The following FYN variants were observed in gnomAD, a reference collection of about 807,000 sequenced individuals.
The protein encoded by FYN is tyrosine-protein kinase Fyn.
A neutral mutation model predicts 70.2 loss-of-function variants in FYN; 10 were observed. The ratio of observed to expected loss-of-function variants is 0.14; its 90% confidence interval spans 0.09 to 0.24. The LOEUF (loss-of-function observed/expected upper bound fraction) is 0.24. FYN is among the 10% of genes least tolerant of loss of function. The pLI is 1.00. For synonymous variants in FYN, 236 were observed against 248.6 expected (o/e 0.95, Z 0.48); for missense variants, 319 against 673.1 (o/e 0.47, Z 5.82).
intron 3 of FYN, among the ~76,000 whole-genome samples, chr6:111,732,679 G>A (rs1444602968): frequency 6.6e-6 from 1 of 152,188 alleles, no homozygotes; most frequent in African/African-American, 2.4e-5. Context: ...TCAACTCCTT[G>A]TGACTGGGTA....
chr6:111,707,337 T>C lies in FYN; in HGVS notation c.443+585A>G, dbSNP rs550516073. The stretch of plus-strand genomic sequence containing the variant: ...GAACACCTTCCTAAACTGCTACCAG[T>C]TGAATAGTTGGGCCAAATAACTGCT... On this transcript the variant is annotated intron_variant, in intron 6 of 13. Transcript: ENST00000354650. 2.5e-4 allele frequency among the ~76,000 whole-genome samples: 38 copies of C among 152,304 alleles called. No individual in the cohort carries two copies. The East Asian group carries it at 6.6e-3, about 26-fold the overall frequency.
Position 111,781,304 on chromosome 6 carries a change from A to G in FYN, c.-81-669T>C, listed in dbSNP as rs113314764. ...AAACCTTGGCCCAGTCCAGCCCCGC[A>G]AGAATTTCACAGTGGTGCTGGGAAC... On this transcript the variant is annotated intron_variant, in intron 2 of 13. Transcript: ENST00000354650. 2.6e-3 allele frequency among the ~76,000 whole-genome samples: 397 copies of G among 152,254 alleles called. 4 individuals carry two copies. Among genetic ancestry groups the G allele is most frequent in the African/African-American group, 8.9e-3 (369 of 41,562 alleles).
intron 3 of FYN, among the ~76,000 whole-genome samples, chr6:111,741,840 T>A (rs1002850580): frequency 1.3e-5 from 2 of 152,216 alleles, no homozygotes; most frequent in Admixed American, 1.3e-4. Flanking sequence ...CTGATGCGGT[T>A]GGTCTGAAGC....
chr6:111,842,456 ACTCT>A (rs1773390655), intron 2 of FYN, among the ~76,000 whole-genome samples: 1 of 150,760 alleles, frequency 6.6e-6, no homozygotes. Context: ...CCTCTTCTTC[ACTCT>A]CTCCCTCACC....
At chr6:111,718,084 C>T (rs1800753782) in intron 4 of FYN, among the ~76,000 whole-genome samples, 1 of 152,174 alleles carries the variant, frequency 6.6e-6, no homozygotes, top group Admixed American at 6.5e-5. Context: ...TCTTTAAAAA[C>T]AATTTAAAAA....
chr6:111,696,446 A>G lies in FYN; in HGVS notation c.873T>C (p.Asn291=). 6.2e-7 allele frequency: 1 copy of G among 1,602,186 alleles called. No individual in the cohort carries two copies. Among genetic ancestry groups the G allele is most frequent in the Non-Finnish European group, 8.5e-7 (1 of 1,173,220 alleles). The stretch of plus-strand genomic sequence containing the variant: ...TCTTTATGGCTACTTTTGTGTTTCC[A>G]TTCCAGGTACCTACAAACATCCCAG... ...QFGEVWMGTW[N]GNTKVAIKTL... Residue 291 remains asparagine, a synonymous_variant, in exon 10 of 14, where the codon AAT becomes AAC. Coordinates refer to ENST00000354650, the MANE Select transcript of FYN (RefSeq NM_002037.5).
intron 2 of FYN, among the ~76,000 whole-genome samples, chr6:111,802,250 C>G (rs997987214): frequency 4.6e-5 from 7 of 151,814 alleles, no homozygotes; most frequent in Non-Finnish European, 1.5e-5. Flanking sequence ...CCACTTCCCC[C>G]TCTCCTCTTC....
chr6:111,760,633 A>G (rs752123106), intron 3 of FYN, among the ~76,000 whole-genome samples: 3 of 152,234 alleles, frequency 2.0e-5, no homozygotes, highest in Non-Finnish European at 4.4e-5. Flanking sequence ...CTCCTCACAC[A>G]AAGAAGCCCA....
chr6:111,716,738 T>C (rs1385762482), intron 4 of FYN, among the ~76,000 whole-genome samples: 1 of 151,622 alleles, frequency 6.6e-6, no homozygotes, highest in Non-Finnish European at 1.5e-5. Context: ...TTGTACCCGA[T>C]TGAAAAAAAG....
chr6:111,695,889 A>T (rs1799551145), intron 10 of FYN, among the ~76,000 whole-genome samples: 1 of 152,192 alleles, frequency 6.6e-6, no homozygotes, highest in Non-Finnish European at 1.5e-5. Flanking sequence ...TAGCTTAGAG[A>T]CCAGTGTCTG....
intron 3 of FYN, among the ~76,000 whole-genome samples, chr6:111,777,673 A>G (rs1771005648): frequency 6.6e-6 from 1 of 152,174 alleles, no homozygotes; most frequent in Non-Finnish European, 1.5e-5. Context: ...TGCTCTATGT[A>G]TTTACGTGTT....
At chr6:111,700,298 G>A in intron 8 of FYN, 30 bp from the exon 9 acceptor site, 1 of 1,611,542 alleles carries the variant, frequency 6.2e-7, no homozygotes, top group Non-Finnish European at 8.5e-7. Flanking sequence ...GCAGGAGAGG[G>A]AGAGAAGAGC....
chr6:111,670,304 TG>T (rs746982632), intron 13 of FYN, among the ~76,000 whole-genome samples: 15 of 152,210 alleles, frequency 9.9e-5, no homozygotes, highest in Non-Finnish European at 2.2e-4. Flanking sequence ...TGGAAGGCTG[TG>T]CTCCCAGATA....
chr6:111,857,657 T>C (rs1773857496), intron 1 of FYN, among the ~76,000 whole-genome samples: 1 of 152,182 alleles, frequency 6.6e-6, no homozygotes, highest in South Asian at 2.1e-4. Flanking sequence ...CATGATTGAA[T>C]TCAACTTGAT....
At chr6:111,675,807 T>TAAA (rs2128412115) in intron 12 of FYN, among the ~76,000 whole-genome samples, 1 of 148,958 alleles carries the variant, frequency 6.7e-6, no homozygotes, top group African/African-American at 2.5e-5. Flanking sequence ...AAAAATGAAA[T>TAAA]AAAATAAAAA....
At chr6:111,829,165 C>T (rs888913768) in intron 2 of FYN, among the ~76,000 whole-genome samples, 2 of 152,144 alleles carry the variant, frequency 1.3e-5, no homozygotes, top group Non-Finnish European at 2.9e-5. Flanking sequence ...TAGAGGCAGG[C>T]GAGATTCCAG....
intron 9 of FYN, among the ~76,000 whole-genome samples, chr6:111,696,991 A>G (rs967445245): frequency 3.9e-5 from 6 of 152,262 alleles, no homozygotes; most frequent in African/African-American, 1.4e-4. Flanking sequence ...AGGTGTGCCA[A>G]GCATGCTGAT....
intron 13 of FYN, among the ~76,000 whole-genome samples, chr6:111,662,425 CTTCTTT>C (rs1047782722): frequency 1.3e-5 from 2 of 152,174 alleles, no homozygotes; most frequent in African/African-American, 2.4e-5. Context: ...TCCCTGTCTT[CTTCTTT>C]TTAACAACCC....
intron 3 of FYN, among the ~76,000 whole-genome samples, chr6:111,738,230 A>G (rs1801792373): frequency 6.6e-6 from 1 of 152,084 alleles, no homozygotes; most frequent in Admixed American, 6.5e-5. Context: ...GCAGAACTCC[A>G]CTCCTAGGCA....
Sources: gnomAD v4.1 joint callset for allele counts (sites outside exome capture counted in the v4.1 genomes callset) on GRCh38, gnomAD v4.1.1 for gene constraint, MANE v1.5 for transcripts, NCBI Gene and HGNC (gene_info 2026-07-23, HGNC 2026-07-21) for gene names.